Variants in NFE2L1 observed in about 807,000 individuals in gnomAD.
NFE2L1 encodes the protein endoplasmic reticulum membrane sensor NFE2L1.
A neutral mutation model predicts 61.6 loss-of-function variants in NFE2L1; 18 were observed. That is an observed-to-expected ratio of 0.29 (90% CI 0.20 to 0.43). NFE2L1 has a LOEUF of 0.43. NFE2L1 is among the 20% of genes least tolerant of loss of function. The pLI, the probability that NFE2L1 is intolerant of heterozygous loss-of-function variation, is 1.00. For synonymous variants in NFE2L1, 419 were observed against 402.7 expected (o/e 1.04, Z -0.48); for missense variants, 827 against 973.5 (o/e 0.85, Z 2.00).
chr17:48,050,176 T>C (rs548998943), intron 1 of NFE2L1, among the ~76,000 whole-genome samples: 7 of 152,374 alleles, frequency 4.6e-5, no homozygotes, highest in African/African-American at 1.7e-4. Flanking sequence ...TAGTCCTTTC[T>C]TCCTGTAAAA....
Position 48,054,984 on chromosome 17 carries a change from C to A in NFE2L1, c.511-1402C>A. On this transcript the variant is annotated intron_variant, in intron 2 of 5. Transcript: ENST00000362042. ...CCTTGCAGCCCCCTGTCCGGCTTCCCGGCACCGGCTGCCCTGGGGCTCATC... is the reference window on the plus strand; with the variant it reads ...CCTTGCAGCCCCCTGTCCGGCTTCCAGGCACCGGCTGCCCTGGGGCTCATC... The A allele has an allele frequency of 1.3e-6, 2 of 1,493,666 alleles. 1 individual carries two copies. The highest frequency in any genetic ancestry group is 2.5e-5 in the South Asian group (2 of 80,762). 92.5% of individuals were successfully genotyped at this position (1,493,666 alleles called of 1,614,324 possible).
chr17:48,050,436 G>A (rs1342224746), intron 1 of NFE2L1, among the ~76,000 whole-genome samples, 171 bp from the exon 2 acceptor site: 3 of 151,818 alleles, frequency 2.0e-5, no homozygotes, highest in Non-Finnish European at 1.5e-5. Flanking sequence ...CACAGATCAC[G>A]CCACTGCACT....
chr17:48,051,691 T>C lies in NFE2L1; in HGVS notation c.510+63T>C, dbSNP rs1236591577. The C allele has an allele frequency of 3.9e-6, 6 of 1,549,586 alleles. No individual in the cohort carries two copies. The East Asian group carries it at 6.7e-5, about 17-fold the overall frequency. On this transcript the variant is annotated intron_variant, in intron 2 of 5. Coordinates refer to ENST00000362042, the MANE Select transcript of NFE2L1 (RefSeq NM_003204.3). The stretch of plus-strand genomic sequence containing the variant: ...TTGGGGGTGGGCTGGTCCCAAAGGA[T>C]TGTGGTCAGAACACTGAGCCCTGTA...
Position 48,060,899 on chromosome 17 carries a change from A to T in NFE2L1, c.*1258A>T, listed in dbSNP as rs2037534858. 6.5e-6 allele frequency: 1 copy of T among 152,694 alleles called. No individual in the cohort carries two copies. Among genetic ancestry groups the T allele is most frequent in the African/African-American group, 2.4e-5 (1 of 41,468 alleles). The allele number at this position is 152,694 out of a possible 1,614,324, so 9.5% of individuals were successfully genotyped here. Reference sequence around the variant, plus strand: ...TGTGTTGAGTAAAAAGGAGATGCCCAATATTCAAAGCTGCTAAATGTTCTC... The same window carrying T: ...TGTGTTGAGTAAAAAGGAGATGCCCTATATTCAAAGCTGCTAAATGTTCTC... On this transcript the variant is annotated 3_prime_UTR_variant, in exon 6 of 6. Transcript: ENST00000362042.
rs934405895 is a variant in NFE2L1, at chr17:48,053,657, G to C, written c.510+2029G>C. ...TGACTGTGACCAGAGAGAACATACT[G>C]TCTCTCTGACCTGACCTTAGGCTCC... is the stretch of plus-strand genomic sequence containing the variant. On this transcript the variant is annotated intron_variant, in intron 2 of 5. Transcript: ENST00000362042. 2.6e-5 allele frequency among the ~76,000 whole-genome samples: 4 copies of C among 152,178 alleles called. No homozygotes were observed. In the South Asian group the frequency reaches 6.2e-4, roughly 24 times the overall value.
rs762623288 is a variant in NFE2L1, at chr17:48,058,372, C to G, written c.1050C>G (p.Ser350Arg). 2.6e-5 allele frequency: 42 copies of G among 1,614,018 alleles called. No homozygotes were observed. The highest frequency in any genetic ancestry group is 3.6e-5 in the Non-Finnish European group (42 of 1,180,012). The change falls in exon 6 of 6, where the codon AGC becomes AGG. Residue 350 changes from serine (S) to arginine (R), a missense_variant. Around this residue, in one of 3 missense-constraint regions of NFE2L1, gnomAD observed 667 missense variants for 748.4 expected, o/e 0.89. Coordinates refer to ENST00000362042, the MANE Select transcript of NFE2L1 (RefSeq NM_003204.3). ...GAGACCCACTGAGCACCAACTACAG[C>G]CTTGCCCCCAACACTCCCATCAATC... ...PPGDPLSTNY[S>R]LAPNTPINQN...
In NFE2L1 at chr17:48,051,265, C is replaced by G. The variant is rs34230500; in HGVS notation, c.147C>G (p.Ala49=). 6.2e-7 allele frequency: 1 copy of G among 1,614,144 alleles called. No individual in the cohort carries two copies. Among genetic ancestry groups the G allele is most frequent in the South Asian group, 1.1e-5 (1 of 91,070 alleles). ...AGATCATCCTGGGGCCCAGTTCTGC[C>G]TATACTCAGACCCAGTTCCACAACC... is the stretch of plus-strand genomic sequence containing the variant. ...LREIILGPSS[A]YTQTQFHNLR... The change falls in exon 2 of 6, where the codon GCC becomes GCG. Residue 49 remains alanine, a synonymous_variant. Transcript: ENST00000362042.
rs1397566425 is a variant in NFE2L1, at chr17:48,051,375, A to G, written c.257A>G (p.Gln86Arg). Residue 86 changes from glutamine to arginine, a missense_variant, in exon 2 of 6, where the codon CAG (glutamine) becomes CGG (arginine). Physicochemically the swap from Gln to Arg is conservative, Grantham distance 43. Transcript: ENST00000362042. ...NYFTARRLLSQVRALDRFQVP... is the reference protein window; with the variant it reads ...NYFTARRLLSRVRALDRFQVP... Reference sequence around the variant, plus strand: ...TTCACTGCCCGGCGGCTCCTCAGTCAGGTGAGGGCCCTGGACAGGTTCCAG... The same window carrying G: ...TTCACTGCCCGGCGGCTCCTCAGTCGGGTGAGGGCCCTGGACAGGTTCCAG... 1 of 1,614,166 alleles carries G rather than the reference A, an allele frequency of 6.2e-7. No individual in the cohort carries two copies. Among genetic ancestry groups the G allele is most frequent in the African/African-American group, 1.3e-5 (1 of 75,036 alleles).
At chr17:48,055,718 C>G (rs867994505) in intron 2 of NFE2L1, among the ~76,000 whole-genome samples, 1 of 152,082 alleles carries the variant, frequency 6.6e-6, no homozygotes, top group African/African-American at 2.4e-5. Context: ...AGAGGGAATT[C>G]TGGCGGGGAT....
Position 48,058,819 on chromosome 17 carries a change from T to G in NFE2L1, c.1497T>G (p.Ser499=), listed in dbSNP as rs370484337. Residue 499 remains serine (S), a synonymous_variant, in exon 6 of 6, where the codon TCT becomes TCG. Coordinates refer to ENST00000362042, the MANE Select transcript of NFE2L1 (RefSeq NM_003204.3). ...SLSSSEGSSS[S]SSSSSSSSSS... is the part of the protein sequence containing the mutation. ...GCAGCTCTGAAGGCAGTTCTTCCTCTTCTTCCTCCTCCTCTTCCTCTTCTT... is the reference window on the plus strand; with the variant it reads ...GCAGCTCTGAAGGCAGTTCTTCCTCGTCTTCCTCCTCCTCTTCCTCTTCTT... 2 of 1,613,866 alleles carry G rather than the reference T, an allele frequency of 1.2e-6. No individual in the cohort carries two copies. Among genetic ancestry groups the G allele is most frequent in the African/African-American group, 1.3e-5 (1 of 74,918 alleles).
At chr17:48,054,532 T>G in intron 2 of NFE2L1, 3 of 1,090,754 alleles carry the variant, frequency 2.8e-6, no homozygotes, top group African/African-American at 1.6e-5. Flanking sequence ...GATTGGCTCT[T>G]TGCGCAGCCC....
In NFE2L1 at chr17:48,060,665, G is replaced by T. The variant is rs1304644553; in HGVS notation, c.*1024G>T. 1 of 152,708 alleles carries T rather than the reference G, an allele frequency of 6.5e-6. No homozygotes were observed. Among genetic ancestry groups the T allele is most frequent in the Non-Finnish European group, 1.5e-5 (1 of 68,094 alleles). 9.5% of individuals were successfully genotyped at this position (152,708 alleles called of 1,614,324 possible). A position where few individuals can be genotyped will look rare whatever the true frequency, so the allele number is the denominator to read the frequency against. ...AGGCAGAGGAATGATGGAGAATCTA[G>T]TGTAGCAGCCTCCAGGCAGGATTCA... On this transcript the variant is annotated 3_prime_UTR_variant, in exon 6 of 6. Coordinates refer to ENST00000362042, the MANE Select transcript of NFE2L1 (RefSeq NM_003204.3).
In NFE2L1 at chr17:48,059,902, G is replaced by A. The variant is rs1029244141; in HGVS notation, c.*261G>A. 4.2e-6 allele frequency: 2 copies of A among 471,036 alleles called. No individual in the cohort carries two copies. The highest frequency in any genetic ancestry group is 7.4e-6 in the Non-Finnish European group (2 of 270,922). The allele number at this position is 471,036 out of a possible 1,614,324, so 29.2% of individuals were successfully genotyped here. On this transcript the variant is annotated 3_prime_UTR_variant, in exon 6 of 6. Transcript: ENST00000362042. The surrounding 1 kb of genome is among the most constrained non-coding windows in gnomAD (Gnocchi z 6.1). ...CCCTTTCCTGTGAGGCAGGGGTGGT[G>A]GTGGAGTTGCTGGAGGTAGAGGAGC...
At chr17:48,058,185 T>TTAAAAAA in intron 5 of NFE2L1, 110 bp from the exon 6 acceptor site, 1 of 1,445,088 alleles carries the variant, frequency 6.9e-7, no homozygotes, top group Admixed American at 2.4e-5. Flanking sequence ...GTTTATAGTA[T>TTAAAAAA]TTTGCCTTTA....
In NFE2L1 at chr17:48,056,424, T is replaced by C; in HGVS notation, c.549T>C (p.Ile183=). Residue 183 remains isoleucine (I), a synonymous_variant, in exon 3 of 6, where the codon ATT becomes ATC. Coordinates refer to ENST00000362042, the MANE Select transcript of NFE2L1 (RefSeq NM_003204.3). ...DLIDILWRQD[I]DLGAGREVFD... ...TTGACATCCTTTGGCGACAGGATAT[T>C]GATCTGGGGGCTGGGCGTGAGGTTT... is the stretch of plus-strand genomic sequence containing the variant. 2.5e-6 allele frequency: 4 copies of C among 1,614,168 alleles called. No homozygotes were observed. In the South Asian group the frequency reaches 3.3e-5, roughly 13 times the overall value.
chr17:48,057,514 G>A lies in NFE2L1; in HGVS notation c.972+12G>A, dbSNP rs780212377. On this transcript the variant is annotated intron_variant, in intron 5 of 5. Transcript: ENST00000362042. ...TCATGGAAATGCAGGTAGGATTGTC[G>A]GAACCGGGCACAAACCTATTGGATT... is the stretch of plus-strand genomic sequence containing the variant. The A allele has an allele frequency of 5.1e-5, 82 of 1,608,726 alleles. No individual in the cohort carries two copies. Among genetic ancestry groups the A allele is most frequent in the Admixed American group, 8.5e-5 (5 of 59,154 alleles).
In NFE2L1 at chr17:48,057,187, A is replaced by G. The variant is rs1418055658; in HGVS notation, c.813+66A>G. ...CAGCCTGTACCTGGTGTGTCCCTCC[A>G]TGGCTGAGGGGCCAGCTGTTGGTTC... On this transcript the variant is annotated intron_variant, in intron 4 of 5. Transcript: ENST00000362042. 1.9e-6 allele frequency: 3 copies of G among 1,589,762 alleles called. No homozygotes were observed. The Admixed American group carries it at 5.3e-5, about 28-fold the overall frequency.
At chr17:48,056,119 A>G (rs2037394320) in intron 2 of NFE2L1, 1 of 481,190 alleles carries the variant, frequency 2.1e-6, no homozygotes, top group East Asian at 3.6e-5. Flanking sequence ...CTTGGTCCAG[A>G]TCCTAATCCT....
At chr17:48,054,848 G>T in intron 2 of NFE2L1, 1 of 1,160,358 alleles carries the variant, frequency 8.6e-7, no homozygotes, top group South Asian at 2.0e-5. Flanking sequence ...GAGGAAGGGG[G>T]CTGGCTGGGC....
Sources: gnomAD v4.1 joint callset for allele counts (sites outside exome capture counted in the v4.1 genomes callset) on GRCh38, gnomAD v4.1.1 for gene constraint, gnomAD v4.1.1 regional missense constraint, Gnocchi (gnomAD v3.1) non-coding constraint, MANE v1.5 for transcripts, NCBI Gene and HGNC (gene_info 2026-07-23, HGNC 2026-07-21) for gene names.